The following FAM110B variants were observed in gnomAD, a reference collection of about 807,000 sequenced individuals.
The protein encoded by FAM110B is family with sequence similarity 110 member B.
A neutral mutation model predicts 20.4 loss-of-function variants in FAM110B; 6 were observed. That is an observed-to-expected ratio of 0.29 (90% confidence interval 0.16 to 0.58). The LOEUF (loss-of-function observed/expected upper bound fraction) is 0.58. Among genes scored for constraint, FAM110B ranks in the 20% least tolerant of loss-of-function variants. The pLI is 0.90. For missense variants in FAM110B, 434 were observed against 498.2 expected, an observed-to-expected ratio of 0.87 and a Z score of 1.23; for synonymous variants, 226 against 214.1, an observed-to-expected ratio of 1.06 and a Z score of -0.49.
chr8:58,104,441 G>A (rs1313135403), intron 3 of FAM110B, among the ~76,000 whole-genome samples: 2 of 152,166 alleles, frequency 1.3e-5, no homozygotes, highest in Non-Finnish European at 2.9e-5. Flanking sequence ...ACCTGGGAGT[G>A]GAGGGAAAGG....
At chr8:58,006,924 T>TATATATATATATATATATA (rs6150600) in intron 1 of FAM110B, among the ~76,000 whole-genome samples, 114 of 110,868 alleles carry the variant, frequency 1.0e-3, no homozygotes, top group Non-Finnish European at 1.3e-3. Context: ...TATATATATA[T>TATATATATATATATATATA]TTTTCCAAAA....
chr8:58,144,245 GCA>G (rs1033418676), intron 3 of FAM110B, among the ~76,000 whole-genome samples: 1 of 152,190 alleles, frequency 6.6e-6, no homozygotes, highest in Admixed American at 6.5e-5. Flanking sequence ...CCTCGGAGTT[GCA>G]TCCTGGCCCA....
chr8:58,059,462 A>G (rs1805614136), intron 2 of FAM110B, among the ~76,000 whole-genome samples: 1 of 151,964 alleles, frequency 6.6e-6, no homozygotes, highest in Non-Finnish European at 1.5e-5. Context: ...ATGGCTATGG[A>G]ATTGTGTCTC....
At chr8:58,110,861 T>A (rs1175829768) in intron 3 of FAM110B, among the ~76,000 whole-genome samples, 1 of 152,200 alleles carries the variant, frequency 6.6e-6, no homozygotes, top group Non-Finnish European at 1.5e-5. Context: ...TTATTGGTTA[T>A]TACTTCTTAA....
intron 3 of FAM110B, among the ~76,000 whole-genome samples, chr8:58,115,942 T>C (rs1455542127): frequency 1.3e-5 from 2 of 152,164 alleles, no homozygotes; most frequent in African/African-American, 4.8e-5. Flanking sequence ...GCCCAACCAC[T>C]TGGAAGCACT....
At chr8:58,045,304 G>A (rs181365189) in intron 2 of FAM110B, among the ~76,000 whole-genome samples, 6 of 152,266 alleles carry the variant, frequency 3.9e-5, no homozygotes, top group East Asian at 1.9e-4. Flanking sequence ...CTACTGTGTC[G>A]CTCTTCATTT....
At chr8:58,018,002 C>T (rs901002493) in intron 1 of FAM110B, among the ~76,000 whole-genome samples, 3 of 152,120 alleles carry the variant, frequency 2.0e-5, no homozygotes, top group South Asian at 2.1e-4. Flanking sequence ...AAGCTCTTCA[C>T]GTGTATTGGG....
chr8:58,146,435 A>G lies in FAM110B; in HGVS notation c.205A>G (p.Asn69Asp). 1 of 1,613,758 alleles carries G rather than the reference A, an allele frequency of 6.2e-7. No individual in the cohort carries two copies. The highest frequency in any genetic ancestry group is 8.5e-7 in the Non-Finnish European group (1 of 1,179,760). Residue 69 changes from asparagine (N) to aspartate (D), a missense_variant, in exon 4 of 4, where the codon AAC becomes GAC. By Grantham distance (23) the Asn-to-Asp change is conservative (BLOSUM62 1). Transcript: ENST00000519262. ...GTACGTCAAGAGCCAGGAGGTGATCAACGCCAAGCAGGAGCCCGTGAAGCC... is the reference window on the plus strand; with the variant it reads ...GTACGTCAAGAGCCAGGAGGTGATCGACGCCAAGCAGGAGCCCGTGAAGCC... ...AKYVKSQEVI[N>D]AKQEPVKPAV... is the part of the protein sequence containing the mutation.
chr8:58,017,816 A>G (rs1804670272), intron 1 of FAM110B, among the ~76,000 whole-genome samples: 2 of 152,342 alleles, frequency 1.3e-5, no homozygotes, highest in African/African-American at 4.8e-5. Flanking sequence ...TGAGGTATTT[A>G]ATACTGGTAC....
At chr8:58,018,442 G>A (rs1350256447) in intron 1 of FAM110B, among the ~76,000 whole-genome samples, 1 of 151,930 alleles carries the variant, frequency 6.6e-6, no homozygotes, top group Non-Finnish European at 1.5e-5. Flanking sequence ...GAGTTTGCAT[G>A]GTATATATAT....
Position 58,124,591 on chromosome 8 carries a change from C to T in FAM110B, c.-324-21316C>T, listed in dbSNP as rs181853768. On this transcript the variant is annotated intron_variant, in intron 3 of 3. Transcript: ENST00000519262. ...TGAAGAGAGGTGGAAGGTAGGAAGG[C>T]GCATCCTAAATATGCCTGATGCATT... 3.3e-5 allele frequency among the ~76,000 whole-genome samples: 5 copies of T among 152,262 alleles called. No homozygotes were observed. In the South Asian group the frequency reaches 6.2e-4, roughly 19 times the overall value.
chr8:58,146,172 G>A lies in FAM110B; in HGVS notation c.-59G>A. On this transcript the variant is annotated 5_prime_UTR_variant, in exon 4 of 4. Transcript: ENST00000519262. ...GCTTCATGTACATGTGTCTATTCAG[G>A]CCTTGCGGAGGCGCCCAGAAGAGCA... 1 of 1,532,714 alleles carries A rather than the reference G, an allele frequency of 6.5e-7. No homozygotes were observed. The highest frequency in any genetic ancestry group is 2.0e-5 in the Admixed American group (1 of 49,876). 94.9% of individuals were successfully genotyped at this position (1,532,714 alleles called of 1,614,324 possible).
intron 2 of FAM110B, among the ~76,000 whole-genome samples, chr8:58,033,028 A>G (rs1805000476): frequency 6.6e-6 from 1 of 152,166 alleles, no homozygotes; most frequent in African/African-American, 2.4e-5. Context: ...CAACCATAGT[A>G]TCCCATCGAT....
rs142976161 is a variant in FAM110B at position 58,139,556 on chromosome 8, G to A, written c.-324-6351G>A. Among the ~76,000 whole-genome samples the A allele has an allele frequency of 3.3e-5, 5 of 152,208 alleles. No individual in the cohort carries two copies. The East Asian group carries it at 9.6e-4, about 29-fold the overall frequency. On this transcript the variant is annotated intron_variant, in intron 3 of 3. Transcript: ENST00000519262. The stretch of plus-strand genomic sequence containing the variant: ...TCTTTCACTTTTCTCCCTTACTTTT[G>A]CATTCTTTACAAGTTATGCTCACAG...
In FAM110B at chr8:58,146,053, A is replaced by G; in HGVS notation, c.-178A>G. The G allele has an allele frequency of 1.5e-6, 1 of 673,380 alleles. No homozygotes were observed. Among genetic ancestry groups the G allele is most frequent in the Non-Finnish European group, 2.4e-6 (1 of 412,804 alleles). 41.7% of individuals were successfully genotyped at this position (673,380 alleles called of 1,614,324 possible). ...CCTGGAAGGGGAGAAAAGTGTATGA[A>G]AGCCACCGTGGCGGTTAATGAGCTG... On this transcript the variant is annotated 5_prime_UTR_variant, in exon 4 of 4. Coordinates refer to ENST00000519262, the MANE Select transcript of FAM110B (RefSeq NM_001377989.1).
chr8:58,028,574 T>G (rs1270184086), intron 1 of FAM110B, among the ~76,000 whole-genome samples: 1 of 152,230 alleles, frequency 6.6e-6, no homozygotes, highest in African/African-American at 2.4e-5. Context: ...AATGGACATC[T>G]TGTCCTTTTT....
chr8:58,094,802 T>A (rs1806577787), intron 3 of FAM110B, among the ~76,000 whole-genome samples: 1 of 152,244 alleles, frequency 6.6e-6, no homozygotes. Flanking sequence ...TTCTTTTGTT[T>A]GGAATAGTTT....
intron 1 of FAM110B, among the ~76,000 whole-genome samples, chr8:58,019,814 G>A (rs1039957082): frequency 6.6e-6 from 1 of 152,006 alleles, no homozygotes; most frequent in Admixed American, 6.6e-5. Context: ...ACTCCATTAT[G>A]CTTAGGTGGG....
chr8:58,147,046 G>A lies in FAM110B; in HGVS notation c.816G>A (p.Ala272=), dbSNP rs1803884500. The change falls in exon 4 of 4, where the codon GCG becomes GCA. Residue 272 remains alanine (A), a synonymous_variant. Coordinates refer to ENST00000519262, the MANE Select transcript of FAM110B (RefSeq NM_001377989.1). ...GTGACAGATATTTCCGAGTGGACGCGGACGTGGAGAGGTTCTTCAACTACT... is the reference window on the plus strand; with the variant it reads ...GTGACAGATATTTCCGAGTGGACGCAGACGTGGAGAGGTTCTTCAACTACT... The part of the protein sequence containing the change: ...DLSDRYFRVD[A]DVERFFNYCG... 1.1e-5 allele frequency: 18 copies of A among 1,614,184 alleles called. No individual in the cohort carries two copies. The highest frequency in any genetic ancestry group is 1.4e-5 in the Non-Finnish European group (16 of 1,180,038).
Sources: gnomAD v4.1 joint callset for allele counts (sites outside exome capture counted in the v4.1 genomes callset) on GRCh38, gnomAD v4.1.1 for gene constraint, MANE v1.5 for transcripts, NCBI Gene and HGNC (gene_info 2026-07-23, HGNC 2026-07-21) for gene names.